SHE: variants seen among roughly 807,000 people sequenced by gnomAD.
The protein encoded by SHE is SH2 domain-containing adapter protein E.
A neutral mutation model predicts 49.8 loss-of-function variants in SHE; 11 were observed. That is an observed-to-expected ratio of 0.22 (90% CI 0.14 to 0.37). The LOEUF (loss-of-function observed/expected upper bound fraction) is 0.37, where lower values mean the gene tolerates loss of function less well. SHE is among the 10% of genes least tolerant of loss of function. SHE has a pLI of 1.00. For missense variants in SHE, 624 were observed against 655.5 expected (o/e 0.95, Z 0.52); for synonymous variants, 310 against 278.1 (o/e 1.11, Z -1.14).
chr1:154,494,568 T>C (rs1025975154), intron 2 of SHE, among the ~76,000 whole-genome samples: 1 of 151,320 alleles, frequency 6.6e-6, no homozygotes, highest in African/African-American at 2.4e-5. Context: ...ACAGTGAGGT[T>C]CTCTTTTAGA....
At position 154,481,880 on chromosome 1, in the gene SHE, C is replaced by CAACA; in HGVS notation, c.*2268_*2269insTGTT. 1.3e-6 allele frequency: 1 copy of CAACA among 787,532 alleles called. No individual in the cohort carries two copies. Among genetic ancestry groups the CAACA allele is most frequent in the Non-Finnish European group, 1.5e-6 (1 of 649,504 alleles). 48.8% of individuals were successfully genotyped at this position (787,532 alleles called of 1,614,324 possible). ...TTGCTTGCTTGTTGAGACAGGGTCT[C>CAACA]ACTCTGTCACTCAGGCTGGAGTGCA... On this transcript the variant is annotated 3_prime_UTR_variant, in exon 6 of 6. Coordinates refer to ENST00000304760, the MANE Select transcript of SHE (RefSeq NM_001010846.3).
At chr1:154,478,181 C>T (rs1009636354), downstream of SHE, among the ~76,000 whole-genome samples, 1 of 152,138 alleles carries the variant, frequency 6.6e-6, no homozygotes, top group Admixed American at 6.5e-5. Context: ...GAAGCACACC[C>T]TGCCCAGTGG....
At chr1:154,477,699 T>C (rs1293599932), downstream of SHE, among the ~76,000 whole-genome samples, 3 of 151,962 alleles carry the variant, frequency 2.0e-5, no homozygotes, top group Non-Finnish European at 2.9e-5. Context: ...GAGACCAGCC[T>C]GGCCAACATG....
chr1:154,501,544 G>A lies in SHE; in HGVS notation c.483C>T (p.Tyr161=). ...TGGAGCTGGAGCTACTGCTGCTGGG[G>A]TAGTTGCTCTTCCCGTTCTTCTCCT... The part of the protein sequence containing the change: ...DTQEKNGKSN[Y]PSSSSSSSSS... Residue 161 remains tyrosine (Y), a synonymous_variant, in exon 1 of 6, where the codon TAC becomes TAT. Coordinates refer to ENST00000304760, the MANE Select transcript of SHE (RefSeq NM_001010846.3). The A allele has an allele frequency of 6.2e-7, 1 of 1,614,144 alleles. No individual in the cohort carries two copies. Among genetic ancestry groups the A allele is most frequent in the Non-Finnish European group, 8.5e-7 (1 of 1,179,988 alleles).
chr1:154,487,133 G>A (rs1203551684), intron 3 of SHE, among the ~76,000 whole-genome samples: 2 of 152,002 alleles, frequency 1.3e-5, no homozygotes, highest in African/African-American at 4.8e-5. Flanking sequence ...GTAGCTGGGC[G>A]TCGTGGCTCG....
chr1:154,469,962 G>T, exon 2 of SHE: 1 of 186,362 alleles, frequency 5.4e-6, no homozygotes, highest in Non-Finnish European at 1.1e-5. Context: ...GACTCTTTGT[G>T]GGTGAGAGCT....
Position 154,479,659 on chromosome 1 carries a change from A to G in SHE, c.*4490T>C. The G allele has an allele frequency of 2.0e-6, 2 of 976,288 alleles. No individual in the cohort carries two copies. The highest frequency in any genetic ancestry group is 2.4e-6 in the Non-Finnish European group (2 of 821,588). The allele number at this position is 976,288 out of a possible 1,614,324, so 60.5% of individuals were successfully genotyped here. On this transcript the variant is annotated 3_prime_UTR_variant, in exon 6 of 6. Transcript: ENST00000304760. The stretch of plus-strand genomic sequence containing the variant: ...TACATACAATCTTCAAACATTTTTA[A>G]AAGTTGAAACTATGTATTAGTTGAT...
rs560102331 is a variant in SHE at position 154,480,083 on chromosome 1, C to T, written c.*4066G>A. 5 of 985,510 alleles carry T rather than the reference C, an allele frequency of 5.1e-6. No homozygotes were observed. The African/African-American group carries it at 8.7e-5, about 17-fold the overall frequency. The allele number at this position is 985,510 out of a possible 1,614,324, so 61.0% of individuals were successfully genotyped here. On this transcript the variant is annotated 3_prime_UTR_variant, in exon 6 of 6. Transcript: ENST00000304760. Reference sequence around the variant, plus strand: ...GGTAAGTTGAACAGAAGGCCCACTGCACAGCAGGCCAAGTTTCTCTAGTCC... The same window carrying T: ...GGTAAGTTGAACAGAAGGCCCACTGTACAGCAGGCCAAGTTTCTCTAGTCC...
downstream of SHE, among the ~76,000 whole-genome samples, chr1:154,477,890 CAAAA>C (rs35912019): frequency 9.6e-6 from 1 of 104,314 alleles, no homozygotes; most frequent in Admixed American, 1.0e-4. Flanking sequence ...GACACTGTCT[CAAAA>C]AAAAAAAAAA....
At position 154,481,461 on chromosome 1, in the gene SHE, G is replaced by A. The variant is rs747078137; in HGVS notation, c.*2688C>T. The A allele has an allele frequency of 9.6e-5, 95 of 985,296 alleles. No individual in the cohort carries two copies. The highest frequency in any genetic ancestry group is 1.1e-4 in the Non-Finnish European group (95 of 829,924). 61.0% of individuals were successfully genotyped at this position (985,296 alleles called of 1,614,324 possible). On this transcript the variant is annotated 3_prime_UTR_variant, in exon 6 of 6. Coordinates refer to ENST00000304760, the MANE Select transcript of SHE (RefSeq NM_001010846.3). ...AACAGTATAGAAGAAGCATAATACT[G>A]GGCATATGACAGAAGCTCAATAAAT...
intron 4 of SHE, 72 bp from the exon 5 acceptor site, chr1:154,486,134 CATAAAGCGTTGTTTGAA>C: frequency 6.4e-7 from 1 of 1,572,274 alleles, no homozygotes; most frequent in Non-Finnish European, 8.7e-7. Context: ...GGCATTGCTC[CATAAAGCGTTGTTTGAA>C]ATGAACTTCT....
At position 154,483,592 on chromosome 1, in the gene SHE, A is replaced by G; in HGVS notation, c.*557T>C. The G allele has an allele frequency of 1.0e-6, 1 of 985,616 alleles. No individual in the cohort carries two copies. The highest frequency in any genetic ancestry group is 4.7e-5 in the South Asian group (1 of 21,290). 61.1% of individuals were successfully genotyped at this position (985,616 alleles called of 1,614,324 possible). On this transcript the variant is annotated 3_prime_UTR_variant, in exon 6 of 6. Transcript: ENST00000304760. ...GGTCACACCATAAAAAGAACACCCT[A>G]CCCCAGAGCTGGAGGCAACAGCTAA...
chr1:154,481,724 T>TA lies in SHE; in HGVS notation c.*2424dup. On this transcript the variant is annotated 3_prime_UTR_variant, in exon 6 of 6. Transcript: ENST00000304760. ...ACACAATGAATAATTTGTATAAAGA[T>TA]AATAAATATTTGTTGAATGGATGCT... 1.0e-6 allele frequency: 1 copy of TA among 957,358 alleles called. No homozygotes were observed. The highest frequency in any genetic ancestry group is 1.8e-5 in the African/African-American group (1 of 56,762). 59.3% of individuals were successfully genotyped at this position (957,358 alleles called of 1,614,324 possible). A position where few individuals can be genotyped will look rare whatever the true frequency, so the allele number is the denominator to read the frequency against.
downstream of SHE, among the ~76,000 whole-genome samples, chr1:154,476,459 A>T (rs767803928): frequency 3.9e-5 from 6 of 152,324 alleles, no homozygotes; most frequent in Non-Finnish European, 7.3e-5. Context: ...CCTGGCCAAC[A>T]TAGTGAAACC....
At position 154,502,268 on chromosome 1, in the gene SHE, G is replaced by A. The variant is rs1692815002; in HGVS notation, c.-242C>T. On this transcript the variant is annotated 5_prime_UTR_variant, in exon 1 of 6. Coordinates refer to ENST00000304760, the MANE Select transcript of SHE (RefSeq NM_001010846.3). ...GGACACCGTGGCTCTCGGAGGCGGCGGGCGCCGGGGGCTTCCCCCTGCTCT... is the reference window on the plus strand; with the variant it reads ...GGACACCGTGGCTCTCGGAGGCGGCAGGCGCCGGGGGCTTCCCCCTGCTCT... 4.5e-6 allele frequency: 1 copy of A among 220,244 alleles called. No homozygotes were observed. The highest frequency in any genetic ancestry group is 8.8e-6 in the Non-Finnish European group (1 of 114,192). 13.6% of individuals were successfully genotyped at this position (220,244 alleles called of 1,614,324 possible).
intron 2 of SHE, among the ~76,000 whole-genome samples, chr1:154,490,746 G>A (rs1416712216): frequency 1.3e-5 from 2 of 151,878 alleles, no homozygotes; most frequent in East Asian, 3.8e-4. Flanking sequence ...TTAAAAGTAA[G>A]GACACAAAGT....
At position 154,501,996 on chromosome 1, in the gene SHE, C is replaced by A; in HGVS notation, c.31G>T (p.Ala11Ser). ...AGCGAGGAAGCCCAGCCCAGACACG[C>A]AGAGGCGCCAGGGGTCGGGGACCAC... is the stretch of plus-strand genomic sequence containing the variant. MQWSPTPGAS[A>S]CLGWASSLAC... The change falls in exon 1 of 6, where the codon GCG becomes TCG. Residue 11 changes from alanine (A) to serine (S), a missense_variant. Ala to Ser is a moderately conservative substitution (Grantham distance 99, BLOSUM62 1). Coordinates refer to ENST00000304760, the MANE Select transcript of SHE (RefSeq NM_001010846.3). 7.2e-7 allele frequency: 1 copy of A among 1,393,358 alleles called. No individual in the cohort carries two copies. The highest frequency in any genetic ancestry group is 9.2e-7 in the Non-Finnish European group (1 of 1,082,634). The allele number at this position is 1,393,358 out of a possible 1,614,324, so 86.3% of individuals were successfully genotyped here.
chr1:154,501,630 C>G lies in SHE; in HGVS notation c.397G>C (p.Gly133Arg), dbSNP rs1692753532. 2 of 1,614,166 alleles carry G rather than the reference C, an allele frequency of 1.2e-6. No homozygotes were observed. The highest frequency in any genetic ancestry group is 1.7e-6 in the Non-Finnish European group (2 of 1,180,018). ...SRATEEEPHRGATKSSGCSTY... is the reference protein window; with the variant it reads ...SRATEEEPHRRATKSSGCSTY... ...CTGCAGCCCGAGCTCTTGGTTGCAC[C>G]CCGGTGGGGCTCCTCCTCCGTGGCC... Residue 133 changes from glycine (G) to arginine (R), a missense_variant, in exon 1 of 6, where the codon GGT becomes CGT. By Grantham distance (125) the Gly-to-Arg change is moderately radical. Transcript: ENST00000304760.
Position 154,501,749 on chromosome 1 carries a change from C to T in SHE, c.278G>A (p.Arg93Lys). The part of the protein sequence containing the change: ...KNSAAELGSG[R>K]AGVGPKDSRL... The stretch of plus-strand genomic sequence containing the variant: ...GCTGTCCTTGGGGCCGACGCCGGCC[C>T]TGCCGCTCCCCAGCTCGGCCGCCGA... The change falls in exon 1 of 6, where the codon AGG becomes AAG. Residue 93 changes from arginine to lysine, a missense_variant. Coordinates refer to ENST00000304760, the MANE Select transcript of SHE (RefSeq NM_001010846.3). 3 of 1,575,176 alleles carry T rather than the reference C, an allele frequency of 1.9e-6. No individual in the cohort carries two copies. Among genetic ancestry groups the T allele is most frequent in the Non-Finnish European group, 2.6e-6 (3 of 1,165,330 alleles).
Sources: gnomAD v4.1 joint callset for allele counts (sites outside exome capture counted in the v4.1 genomes callset) on GRCh38, gnomAD v4.1.1 for gene constraint, MANE v1.5 for transcripts, NCBI Gene and HGNC (gene_info 2026-07-23, HGNC 2026-07-21) for gene names.